HLA-DRB1: variants seen among roughly 807,000 people sequenced by gnomAD.
The protein encoded by HLA-DRB1 is major histocompatibility complex, class II, DR beta 1.
In HLA-DRB1, 10 loss-of-function variants were observed where a neutral mutation model predicts 27.9. The observed-to-expected ratio is 0.36, with a 90% CI of 0.22 to 0.61. The LOEUF (loss-of-function observed/expected upper bound fraction) is 0.61. Ranked by LOEUF, HLA-DRB1 falls within the 20% of genes least tolerant of loss-of-function variation. The probability of loss-of-function intolerance (pLI) is 0.73; values close to 1 mark genes in which losing one functional copy is unlikely to be tolerated. For missense variants in HLA-DRB1, 118 were observed against 306.3 expected (o/e 0.39, Z 4.59); for synonymous variants, 57 against 126.7 (o/e 0.45, Z 3.69).
At chr6:32,578,883 T>G (rs1419318447) in exon 6 of HLA-DRB1, 1 of 471,934 alleles carries the variant, frequency 2.1e-6, no homozygotes, top group African/African-American at 2.0e-5. Flanking sequence ...AAGTTGAAGA[T>G]GAGGCGCTGC....
intron 2 of HLA-DRB1, among the ~76,000 whole-genome samples, chr6:32,583,008 T>C (rs35129460): frequency 0.11 from 15,004 of 141,320 alleles, 1,570 homozygotes; most frequent in Non-Finnish European, 0.11. Context: ...TGGAAAAGAA[T>C]TTTCAAAATC....
At chr6:32,581,796 A>G in exon 3 of HLA-DRB1, 2 of 1,543,196 alleles carry the variant, frequency 1.3e-6, no homozygotes, top group Non-Finnish European at 1.8e-6. Context: ...GTGGTGCTGC[A>G]GGGGCTGGGT....
intron 1 of HLA-DRB1, among the ~76,000 whole-genome samples, chr6:32,586,287 A>G (rs1776380035): frequency 9.9e-6 from 1 of 101,416 alleles, no homozygotes. Context: ...AGTCAACCTT[A>G]ACCTCGTCCT....
chr6:32,581,287 T>TG (rs9281868), intron 3 of HLA-DRB1, among the ~76,000 whole-genome samples: 26,931 of 59,326 alleles, frequency 0.45, 6,601 homozygotes, highest in Middle Eastern at 0.48. Context: ...GCCTGGAGCC[T>TG]GGGAGAGTGG....
At position 32,586,470 on chromosome 6, in the gene HLA-DRB1, C is replaced by A. The variant is rs113981019; in HGVS notation, c.101-2092G>T. ...CCTCTCCCTTCTCCTTGAAAATAAT[C>A]TATTTTCCTGGACTTACACACATGA... On this transcript the variant is annotated intron_variant, in intron 1 of 5. Coordinates refer to ENST00000360004, the Ensembl canonical transcript of HLA-DRB1. 5.1e-3 allele frequency among the ~76,000 whole-genome samples: 436 copies of A among 85,682 alleles called. 1 individual carries two copies. Among genetic ancestry groups the A allele is most frequent in the Middle Eastern group, 7.5e-3 (1 of 134 alleles). The allele number at this position is 85,682 out of a possible 152,430, so 56.2% of individuals were successfully genotyped here.
chr6:32,582,563 C>T (rs143862864), intron 2 of HLA-DRB1, among the ~76,000 whole-genome samples: 1,615 of 111,502 alleles, frequency 0.014, 90 homozygotes, highest in South Asian at 0.052. Flanking sequence ...TTGTTCTGCC[C>T]CTGGGAAGGT....
rs1775370170 is a variant in HLA-DRB1 at position 32,580,963 on chromosome 6, G to A, written c.653-107C>T. The A allele has an allele frequency of 4.0e-6, 3 of 754,348 alleles. 1 individual carries two copies. The highest frequency in any genetic ancestry group is 2.0e-5 in the South Asian group (1 of 51,106). 46.7% of individuals were successfully genotyped at this position (754,348 alleles called of 1,614,324 possible). A position where few individuals can be genotyped will look rare whatever the true frequency, so the allele number is the denominator to read the frequency against. Reference sequence around the variant, plus strand: ...AATGGGGCAGAAAGCTGCCTCACAAGAACTAAAATAACTAGCCATTTCAGG... The same window carrying A: ...AATGGGGCAGAAAGCTGCCTCACAAAAACTAAAATAACTAGCCATTTCAGG... On this transcript the variant is annotated intron_variant, in intron 3 of 5. Transcript: ENST00000360004.
At chr6:32,585,761 T>C (rs9283899) in intron 1 of HLA-DRB1, among the ~76,000 whole-genome samples, 40 of 130,922 alleles carry the variant, frequency 3.1e-4, no homozygotes, top group African/African-American at 7.8e-4. Flanking sequence ...AAACGGACTT[T>C]CTATATGCTC....
chr6:32,582,234 A>C (rs28723982), intron 2 of HLA-DRB1, among the ~76,000 whole-genome samples: 52,751 of 134,196 alleles, frequency 0.39, 13,003 homozygotes, highest in Middle Eastern at 0.52. Flanking sequence ...TTTGTCACCT[A>C]CAATGAAGGA....
rs202224074 is a variant in HLA-DRB1 at position 32,580,387 on chromosome 6, C to G, written c.764-117G>C. On this transcript the variant is annotated intron_variant, in intron 4 of 5. Coordinates refer to ENST00000360004, the Ensembl canonical transcript of HLA-DRB1. ...GATTTCTCTAACACCACAACCCACA[C>G]CAACCAGGGCAGAAAGGAGCAGAAA... 4.5e-3 allele frequency: 2,135 copies of G among 477,092 alleles called. 2 individuals are homozygous for G. The Middle Eastern group carries it at 0.1, about 23-fold the overall frequency. The allele number at this position is 477,092 out of a possible 1,614,324, so 29.6% of individuals were successfully genotyped here.
intron 1 of HLA-DRB1, among the ~76,000 whole-genome samples, chr6:32,588,942 T>A (rs34421278): frequency 0.091 from 9,215 of 101,818 alleles, 735 homozygotes; most frequent in Admixed American, 0.11. Flanking sequence ...GAGGATGCCT[T>A]AAGTTCTTTA....
At chr6:32,588,212 T>A (rs17203846) in intron 1 of HLA-DRB1, among the ~76,000 whole-genome samples, 26,268 of 132,986 alleles carry the variant, frequency 0.2, 1,516 homozygotes, top group East Asian at 0.27. Flanking sequence ...TCCTAGCATG[T>A]TGGGAGGCCA....
intron 1 of HLA-DRB1, among the ~76,000 whole-genome samples, chr6:32,586,341 TGG>T: frequency 1.1e-5 from 1 of 94,430 alleles, no homozygotes. Flanking sequence ...GTTTCCTACC[TGG>T]ATGCTCCATT....
At chr6:32,582,321 G>A (rs9269835) in intron 2 of HLA-DRB1, among the ~76,000 whole-genome samples, 20 of 123,384 alleles carry the variant, frequency 1.6e-4, no homozygotes, top group South Asian at 2.7e-4. Flanking sequence ...ACTGAAGATA[G>A]CCTTCAGTTT....
intron 2 of HLA-DRB1, 61 bp from the exon 3 acceptor site, chr6:32,581,899 G>GTTTTTTGTCTGCTTCTCTGTAAAC: frequency 7.0e-6 from 6 of 862,498 alleles, no homozygotes; most frequent in Admixed American, 5.2e-5. Context: ...TCCTGGTTTG[G>GTTTTTTGTCTGCTTCTCTGTAAAC]CTGTGTGTCT....
At chr6:32,582,183 G>C (rs574127257) in intron 2 of HLA-DRB1, among the ~76,000 whole-genome samples, 1,694 of 115,298 alleles carry the variant, frequency 0.015, 65 homozygotes, top group Middle Eastern at 0.049. Flanking sequence ...CCTTTTACTG[G>C]TTGATCCTGG....
intron 1 of HLA-DRB1, among the ~76,000 whole-genome samples, chr6:32,587,593 C>G (rs35749234): frequency 0.23 from 14,663 of 63,986 alleles, 3,020 homozygotes; most frequent in Admixed American, 0.27. Flanking sequence ...GGGCTTTCCC[C>G]CGATTCGGTC....
intron 1 of HLA-DRB1, among the ~76,000 whole-genome samples, chr6:32,586,710 T>G (rs9270096): frequency 0.61 from 35,853 of 58,314 alleles, 14,544 homozygotes; most frequent in Admixed American, 0.68. Flanking sequence ...CCTTCGGATT[T>G]CTCCACATAA....
At chr6:32,580,378 C>A (rs41287744) in intron 4 of HLA-DRB1, 108 bp from the exon 5 acceptor site, 177,229 of 459,216 alleles carry the variant, frequency 0.39, 37,584 homozygotes, top group African/African-American at 0.46. Flanking sequence ...TCTAACACCA[C>A]AACCCACACC....
Sources: gnomAD v4.1 joint callset for allele counts (sites outside exome capture counted in the v4.1 genomes callset) on GRCh38, gnomAD v4.1.1 for gene constraint, MANE v1.5 for transcripts, NCBI Gene and HGNC (gene_info 2026-07-23, HGNC 2026-07-21) for gene names.